Variants in CNTNAP4 observed in about 807,000 individuals in gnomAD.
The protein encoded by CNTNAP4 is contactin associated protein family member 4.
In CNTNAP4, 98 loss-of-function variants were observed where a neutral mutation model predicts 148.4. The observed-to-expected ratio is 0.66, with a 90% CI of 0.56 to 0.78. The LOEUF (loss-of-function observed/expected upper bound fraction) is 0.78, where lower values mean the gene tolerates loss of function less well. Among genes scored for constraint, CNTNAP4 ranks in the 30% least tolerant of loss-of-function variants. CNTNAP4 has a pLI of 0.00. For missense variants in CNTNAP4, 1,935 were observed against 1,565.6 expected (o/e 1.24, Z -3.98); for synonymous variants, 730 against 565.1 (o/e 1.29, Z -4.14).
At chr16:76,352,230 T>A (rs2195429) in intron 2 of CNTNAP4, among the ~76,000 whole-genome samples, 32,075 of 152,088 alleles carry the variant, frequency 0.21, 4,381 homozygotes, top group East Asian at 0.47. Context: ...ACCCTAGAAG[T>A]CTTTCAATTT....
chr16:76,437,569 T>G (rs1196336105), intron 4 of CNTNAP4, among the ~76,000 whole-genome samples: 2 of 152,096 alleles, frequency 1.3e-5, no homozygotes, highest in Non-Finnish European at 2.9e-5. Context: ...TAAGTATGTT[T>G]GAATGAATGG....
intron 12 of CNTNAP4, among the ~76,000 whole-genome samples, chr16:76,486,593 G>A (rs1194810394): frequency 1.9e-4 from 29 of 152,142 alleles, no homozygotes; most frequent in Non-Finnish European, 1.5e-5. Flanking sequence ...GTTAAAGGAT[G>A]ATTAAATGCA....
intron 3 of CNTNAP4, among the ~76,000 whole-genome samples, chr16:76,398,450 C>T (rs1416055301): frequency 6.6e-6 from 1 of 152,144 alleles, no homozygotes; most frequent in Non-Finnish European, 1.5e-5. Context: ...CGTGTCTTCC[C>T]TACCCACTTT....
intron 3 of CNTNAP4, among the ~76,000 whole-genome samples, chr16:76,360,369 T>C (rs1243132253): frequency 6.6e-6 from 1 of 152,186 alleles, no homozygotes; most frequent in African/African-American, 2.4e-5. Context: ...GCATTTGTTT[T>C]AAGTCAAATA....
chr16:76,326,464 T>G (rs1962982268), intron 2 of CNTNAP4, among the ~76,000 whole-genome samples: 1 of 152,168 alleles, frequency 6.6e-6, no homozygotes, highest in African/African-American at 2.4e-5. Context: ...AGCAAAAGGA[T>G]TATAAATTAT....
rs1555531350 is a variant in CNTNAP4, at chr16:76,355,839, C to CA, written c.390+328_390+329insA. ...CAAAAACATAATAGTCTTGCATTGT[C>CA]TTTTATTTATTTATTTATTTATTTA... is the stretch of plus-strand genomic sequence containing the variant. On this transcript the variant is annotated intron_variant, in intron 3 of 23. Coordinates refer to ENST00000611870, the MANE Select transcript of CNTNAP4 (RefSeq NM_033401.5). Among the ~76,000 whole-genome samples, 285 of 142,342 alleles carry CA rather than the reference C, an allele frequency of 2.0e-3. 2 individuals carry two copies. Among genetic ancestry groups the CA allele is most frequent in the African/African-American group, 6.9e-3 (263 of 38,088 alleles). 93.4% of individuals were successfully genotyped at this position (142,342 alleles called of 152,430 possible).
intron 2 of CNTNAP4, among the ~76,000 whole-genome samples, chr16:76,349,785 C>T (rs540270794): frequency 1.2e-4 from 19 of 152,144 alleles, no homozygotes; most frequent in Middle Eastern, 3.4e-3. Context: ...TGTCCTTGAA[C>T]ATCTGTGTCC....
intron 3 of CNTNAP4, among the ~76,000 whole-genome samples, chr16:76,421,790 G>A (rs1264042796): frequency 6.6e-6 from 1 of 152,148 alleles, no homozygotes; most frequent in Non-Finnish European, 1.5e-5. Flanking sequence ...TAATGACAAG[G>A]GGATTTTCAT....
At chr16:76,532,385 C>A (rs1374157054) in intron 17 of CNTNAP4, among the ~76,000 whole-genome samples, 1 of 152,082 alleles carries the variant, frequency 6.6e-6, no homozygotes, top group East Asian at 1.9e-4. Context: ...ATTCTCTATG[C>A]CCCTAGTTTC....
intron 9 of CNTNAP4, among the ~76,000 whole-genome samples, chr16:76,464,699 C>G (rs2081115773): frequency 6.6e-6 from 1 of 152,172 alleles, no homozygotes; most frequent in Non-Finnish European, 1.5e-5. Context: ...CTTTACCAGT[C>G]TTGACAGTGG....
intron 3 of CNTNAP4, among the ~76,000 whole-genome samples, chr16:76,378,905 A>G (rs573922132): frequency 4.6e-5 from 7 of 152,334 alleles, no homozygotes; most frequent in African/African-American, 1.7e-4. Flanking sequence ...TGTGTGGTGA[A>G]GAAACTTTAT....
At chr16:76,474,778 T>C (rs769844827) in intron 10 of CNTNAP4, among the ~76,000 whole-genome samples, 1 of 152,180 alleles carries the variant, frequency 6.6e-6, no homozygotes, top group Non-Finnish European at 1.5e-5. Context: ...ATTTTGACTG[T>C]GCTGCTAACC....
Position 76,489,809 on chromosome 16 carries a change from C to G in CNTNAP4, c.2006C>G (p.Thr669Ser). The G allele has an allele frequency of 6.2e-7, 1 of 1,607,138 alleles. No individual in the cohort carries two copies. The highest frequency in any genetic ancestry group is 8.5e-7 in the Non-Finnish European group (1 of 1,176,482). ...GCCAGCATGGAGCAACTTCAGGCCA[C>G]TATTAACCGTGCAGAGCACTGTGAA... ...YVASMEQLQA[T>S]INRAEHCEQE... Residue 669 changes from threonine to serine, a missense_variant, in exon 13 of 24, where the codon ACT becomes AGT. Thr to Ser is a moderately conservative substitution (Grantham distance 58). Transcript: ENST00000611870.
chr16:76,524,505 T>A lies in CNTNAP4; in HGVS notation c.2755+2248T>A, dbSNP rs181895551. On this transcript the variant is annotated intron_variant, in intron 17 of 23. Transcript: ENST00000611870. ...TTTGCCTGTGGATGACCTTTCATTCTTGGTATGAATTTCAGCTTCATGAGA... is the reference window on the plus strand; with the variant it reads ...TTTGCCTGTGGATGACCTTTCATTCATGGTATGAATTTCAGCTTCATGAGA... Among the ~76,000 whole-genome samples the A allele has an allele frequency of 2.3e-3, 344 of 152,312 alleles. 2 individuals are homozygous for A. The highest frequency in any genetic ancestry group is 3.9e-3 in the Non-Finnish European group (266 of 68,020).
At chr16:76,301,924 C>T (rs1312081781) in intron 1 of CNTNAP4, among the ~76,000 whole-genome samples, 4 of 152,034 alleles carry the variant, frequency 2.6e-5, no homozygotes, top group Non-Finnish European at 5.9e-5. Flanking sequence ...AAAACAGTGG[C>T]ATTAGCATGA....
rs1160768113 is a variant in CNTNAP4, at chr16:76,556,889, C to T, written c.3734-1601C>T. Among the ~76,000 whole-genome samples the T allele has an allele frequency of 2.0e-5, 3 of 152,184 alleles. No homozygotes were observed. The East Asian group carries it at 5.8e-4, about 29-fold the overall frequency. On this transcript the variant is annotated intron_variant, in intron 23 of 23. Transcript: ENST00000611870. ...GCCAAAAATTGGCTTGGCTATTGGACGTGCTCTAATTGGCCAGGGTGAATC... is the reference window on the plus strand; with the variant it reads ...GCCAAAAATTGGCTTGGCTATTGGATGTGCTCTAATTGGCCAGGGTGAATC...
chr16:76,346,513 G>A (rs773790133), intron 2 of CNTNAP4, among the ~76,000 whole-genome samples: 3 of 151,282 alleles, frequency 2.0e-5, no homozygotes, highest in Admixed American at 6.6e-5. Flanking sequence ...GGCTCTCTCC[G>A]ATGCATGATG....
intron 3 of CNTNAP4, among the ~76,000 whole-genome samples, chr16:76,373,419 T>C (rs937558242): frequency 6.6e-6 from 1 of 152,216 alleles, no homozygotes; most frequent in African/African-American, 2.4e-5. Context: ...ATTGCCTTTA[T>C]AAGTCATACC....
intron 21 of CNTNAP4, among the ~76,000 whole-genome samples, chr16:76,549,473 G>C (rs1461298097): frequency 6.6e-6 from 1 of 151,968 alleles, no homozygotes; most frequent in Non-Finnish European, 1.5e-5. Context: ...AGATTAAAAA[G>C]TAAACTAACA....
Sources: gnomAD v4.1 joint callset for allele counts (sites outside exome capture counted in the v4.1 genomes callset) on GRCh38, gnomAD v4.1.1 for gene constraint, MANE v1.5 for transcripts, NCBI Gene and HGNC (gene_info 2026-07-23, HGNC 2026-07-21) for gene names.